Variants in IQCK observed in about 807,000 individuals in gnomAD.
IQCK encodes the protein IQ motif containing K.
Under a neutral mutation model 28.1 loss-of-function variants are expected in IQCK, and 29 were observed. The ratio of observed to expected loss-of-function variants is 1.03; its 90% CI spans 0.77 to 1.41. The LOEUF (loss-of-function observed/expected upper bound fraction) is 1.41. Ranked by LOEUF, IQCK falls within the 40% of genes most tolerant of loss-of-function variation. IQCK has a pLI of 0.00. For synonymous variants in IQCK, 113 were observed against 115.1 expected (o/e 0.98, Z 0.12); for missense variants, 359 against 314.7 (o/e 1.14, Z -1.07).
chr16:19,731,377 G>T (rs1235013043), intron 2 of IQCK, among the ~76,000 whole-genome samples: 1 of 152,180 alleles, frequency 6.6e-6, no homozygotes, highest in South Asian at 2.1e-4. Flanking sequence ...CCTGTTTCTC[G>T]ACTTCTATTA....
intron 4 of IQCK, among the ~76,000 whole-genome samples, chr16:19,750,193 C>T (rs2054966969): frequency 6.6e-6 from 1 of 151,810 alleles, no homozygotes; most frequent in African/African-American, 2.4e-5. Context: ...GTGGCGTGAT[C>T]CTGGCTTACT....
chr16:19,780,849 G>A (rs114140459), intron 6 of IQCK, among the ~76,000 whole-genome samples: 4,634 of 152,204 alleles, frequency 0.03, 217 homozygotes, highest in African/African-American at 0.11. Context: ...ATTTAGAAGC[G>A]CATATATTAC....
chr16:19,847,113 T>C (rs1460805222), intron 9 of IQCK, among the ~76,000 whole-genome samples: 1 of 152,176 alleles, frequency 6.6e-6, no homozygotes, highest in Non-Finnish European at 1.5e-5. Context: ...GAGGATAGCA[T>C]CTACCTCCCA....
At chr16:19,837,798 G>T (rs1055524489) in intron 9 of IQCK, among the ~76,000 whole-genome samples, 2 of 152,176 alleles carry the variant, frequency 1.3e-5, no homozygotes, top group Non-Finnish European at 2.9e-5. Flanking sequence ...GATTACATGG[G>T]TTTATTCTTG....
At chr16:19,821,007 A>G (rs1415509682) in intron 7 of IQCK, among the ~76,000 whole-genome samples, 1 of 152,212 alleles carries the variant, frequency 6.6e-6, no homozygotes, top group Non-Finnish European at 1.5e-5. Flanking sequence ...CATTTAAACC[A>G]CAATGAGATG....
At chr16:19,730,153 AC>A (rs1469762445) in intron 1 of IQCK, among the ~76,000 whole-genome samples, 2 of 151,776 alleles carry the variant, frequency 1.3e-5, no homozygotes, top group Non-Finnish European at 2.9e-5. Context: ...ACAGGGTTTC[AC>A]CAGGTTGGCC....
chr16:19,856,562 G>A (rs777664846), exon 10 of IQCK: 7 of 1,609,532 alleles, frequency 4.3e-6, no homozygotes, highest in East Asian at 4.5e-5. Flanking sequence ...TAGCTAAGAC[G>A]TATCTTTGCC....
At chr16:19,844,691 T>G (rs1423098806) in intron 9 of IQCK, among the ~76,000 whole-genome samples, 2 of 152,192 alleles carry the variant, frequency 1.3e-5, no homozygotes, top group Non-Finnish European at 2.9e-5. Context: ...AGAACGCCGG[T>G]TGAAACTCAA....
chr16:19,856,638 T>C, exon 10 of IQCK: 1 of 1,048,572 alleles, frequency 9.5e-7, no homozygotes, highest in Non-Finnish European at 1.5e-6. Context: ...TTGTGATTTC[T>C]TTAACAAGAC....
chr16:19,719,649 T>C (rs1977417254), intron 1 of IQCK, among the ~76,000 whole-genome samples: 1 of 150,994 alleles, frequency 6.6e-6, no homozygotes, highest in Admixed American at 6.6e-5. Flanking sequence ...ATTGAGTAAC[T>C]GAATTTCTTG....
At chr16:19,834,300 A>G (rs929387641) in intron 9 of IQCK, among the ~76,000 whole-genome samples, 3 of 152,178 alleles carry the variant, frequency 2.0e-5, no homozygotes, top group Non-Finnish European at 4.4e-5. Context: ...GATCATCTCC[A>G]TCGTACAGAT....
chr16:19,767,947 G>C (rs2055265156), intron 6 of IQCK, among the ~76,000 whole-genome samples: 1 of 150,552 alleles, frequency 6.6e-6, no homozygotes, highest in Non-Finnish European at 1.5e-5. Context: ...GAAAATAGTG[G>C]TACCTAACTT....
chr16:19,746,630 C>T (rs1486458661), intron 4 of IQCK, among the ~76,000 whole-genome samples: 1 of 152,230 alleles, frequency 6.6e-6, no homozygotes, highest in East Asian at 1.9e-4. Context: ...TTGATCACTT[C>T]ATTTCCCAAA....
downstream of IQCK, among the ~76,000 whole-genome samples, chr16:19,828,127 A>G (rs1254060729): frequency 6.6e-6 from 1 of 151,392 alleles, no homozygotes; most frequent in African/African-American, 2.4e-5. Flanking sequence ...TGGCCAGGCT[A>G]GTCTTGAACT....
chr16:19,740,770 AC>A (rs1385648042), intron 4 of IQCK, among the ~76,000 whole-genome samples: 1 of 151,776 alleles, frequency 6.6e-6, no homozygotes, highest in Non-Finnish European at 1.5e-5. Context: ...GGAGTTTGAG[AC>A]CAGCCTGGCC....
chr16:19,814,658 C>T (rs2141072120), intron 7 of IQCK, among the ~76,000 whole-genome samples: 4 of 151,900 alleles, frequency 2.6e-5, no homozygotes, highest in Middle Eastern at 6.8e-3. Context: ...TAAAATGACC[C>T]AGAATGGCTG....
chr16:19,833,057 A>G (rs1165189837), intron 9 of IQCK, among the ~76,000 whole-genome samples: 1 of 152,168 alleles, frequency 6.6e-6, no homozygotes, highest in Admixed American at 6.6e-5. Flanking sequence ...GATCAAATTA[A>G]TGAACACATC....
intron 7 of IQCK, among the ~76,000 whole-genome samples, chr16:19,822,469 G>T (rs919760320): frequency 6.6e-6 from 1 of 151,376 alleles, no homozygotes; most frequent in African/African-American, 2.4e-5. Context: ...CTATACGATA[G>T]ATATTATTCA....
chr16:19,745,252 T>A (rs1397180601), intron 4 of IQCK, among the ~76,000 whole-genome samples: 2 of 152,160 alleles, frequency 1.3e-5, no homozygotes, highest in African/African-American at 4.8e-5. Context: ...TCACCTCACC[T>A]ACATCTTTTT....
Sources: allele counts gnomAD v4.1 joint callset (sites outside exome capture counted in the v4.1 genomes callset), GRCh38; gene constraint gnomAD v4.1.1; transcripts MANE v1.5; gene names NCBI Gene and HGNC (gene_info 2026-07-23, HGNC 2026-07-21).